KAZN: variants seen among roughly 807,000 people sequenced by gnomAD.
The protein encoded by KAZN is kazrin.
Under a neutral mutation model 87.4 loss-of-function variants are expected in KAZN, and 40 were observed. The ratio of observed to expected loss-of-function variants is 0.46; its 90% CI spans 0.36 to 0.60. The LOEUF is 0.60. KAZN is among the 20% of genes least tolerant of loss of function. The pLI is 0.00. For synonymous variants in KAZN, 466 were observed against 458.3 expected, an observed-to-expected ratio of 1.02 and a Z score of -0.22; for missense variants, 898 against 1,073.9, an observed-to-expected ratio of 0.84 and a Z score of 2.29.
rs16850434 is a variant in KAZN at position 14,539,798 on chromosome 1, A to T, written c.250-59185A>T. On this transcript the variant is annotated intron_variant, in intron 2 of 16. Transcript: ENST00000636203. ...CTCCAAGAATTAGTGCCTATTTGCCATCAGAACCTAAATTTTGTTAAATGT... is the reference window on the plus strand; with the variant it reads ...CTCCAAGAATTAGTGCCTATTTGCCTTCAGAACCTAAATTTTGTTAAATGT... 5.8e-3 allele frequency among the ~76,000 whole-genome samples: 877 copies of T among 152,248 alleles called. 10 individuals carry two copies. Among genetic ancestry groups the T allele is most frequent in the African/African-American group, 0.02 (835 of 41,528 alleles).
chr1:14,576,046 G>A (rs111560507), intron 2 of KAZN, among the ~76,000 whole-genome samples: 15 of 152,176 alleles, frequency 9.9e-5, no homozygotes, highest in Non-Finnish European at 1.6e-4. Context: ...TCCAGGTTAG[G>A]AGTGGTAGGA....
intron 2 of KAZN, among the ~76,000 whole-genome samples, chr1:14,274,081 C>T (rs1652162792): frequency 6.6e-6 from 1 of 152,156 alleles, no homozygotes; most frequent in South Asian, 2.1e-4. Context: ...GGCTGCAGCA[C>T]CCACTACGGT....
chr1:14,233,212 G>A (rs1016040165), intron 2 of KAZN, among the ~76,000 whole-genome samples: 2 of 152,066 alleles, frequency 1.3e-5, no homozygotes, highest in Non-Finnish European at 1.5e-5. Context: ...CCTCACTGCA[G>A]CCTCGGTTTC....
intron 1 of KAZN, among the ~76,000 whole-genome samples, chr1:13,984,549 A>T (rs1638919419): frequency 6.6e-6 from 1 of 152,226 alleles, no homozygotes; most frequent in Non-Finnish European, 1.5e-5. Context: ...GATGAAGATG[A>T]TAACCTTGTA....
chr1:14,412,385 T>C (rs1400029196), intron 2 of KAZN, among the ~76,000 whole-genome samples: 1 of 152,242 alleles, frequency 6.6e-6, no homozygotes, highest in Non-Finnish European at 1.5e-5. Context: ...TACAAAGTTA[T>C]CTGCATAGAA....
chr1:14,382,963 C>T (rs1476507630), intron 2 of KAZN, among the ~76,000 whole-genome samples: 4 of 151,142 alleles, frequency 2.6e-5, no homozygotes, highest in Admixed American at 2.6e-4. Context: ...TATTTCTCCA[C>T]ATCCTCTCCA....
In KAZN at chr1:14,696,414, G is replaced by A. The variant is rs146075072; in HGVS notation, c.226+97191G>A. 8.5e-5 allele frequency among the ~76,000 whole-genome samples: 13 copies of A among 152,326 alleles called. No individual in the cohort carries two copies. The East Asian group carries it at 1.4e-3, about 16-fold the overall frequency. ...CAGTGAGGAGGTGGGAAACTGTATC[G>A]TTAAGTGGTTAATGCTGCTGAGTGT... On this transcript the variant is annotated intron_variant, in intron 1 of 14. Transcript: ENST00000376030.
intron 2 of KAZN, among the ~76,000 whole-genome samples, chr1:14,415,536 C>T (rs1443148908): frequency 6.6e-6 from 1 of 152,176 alleles, no homozygotes; most frequent in Non-Finnish European, 1.5e-5. Context: ...TCGACCCCCA[C>T]CCACTGAAGT....
chr1:15,107,237 G>A (rs546545416), intron 13 of KAZN, among the ~76,000 whole-genome samples: 9 of 152,340 alleles, frequency 5.9e-5, no homozygotes, highest in African/African-American at 2.2e-4. Flanking sequence ...CCTTCACGAA[G>A]CTTACAGAGA....
At chr1:15,095,493 G>A (rs896739963) in intron 10 of KAZN, among the ~76,000 whole-genome samples, 3 of 133,310 alleles carry the variant, frequency 2.3e-5, no homozygotes, top group Non-Finnish European at 4.7e-5. Context: ...CACCCCCACC[G>A]CTCATACCAC....
At position 14,874,014 on chromosome 1, in the gene KAZN, G is replaced by A. The variant is rs1652475488; in HGVS notation, c.227-86670G>A. Among the ~76,000 whole-genome samples the A allele has an allele frequency of 2.0e-5, 3 of 152,298 alleles. No individual in the cohort carries two copies. In the South Asian group the frequency reaches 6.2e-4, roughly 32 times the overall value. ...GCAGGAGCGAGTTTAGAGGGGGTGGGCCAGGAGGAAATCAGGAGCTCAGTT... is the reference window on the plus strand; with the variant it reads ...GCAGGAGCGAGTTTAGAGGGGGTGGACCAGGAGGAAATCAGGAGCTCAGTT... On this transcript the variant is annotated intron_variant, in intron 1 of 14. Transcript: ENST00000376030.
At chr1:14,550,339 A>G (rs981624046) in intron 2 of KAZN, among the ~76,000 whole-genome samples, 13 of 152,252 alleles carry the variant, frequency 8.5e-5, no homozygotes, top group Non-Finnish European at 1.6e-4. Context: ...ACGGGGGAAA[A>G]AAAATTAGCC....
intron 1 of KAZN, among the ~76,000 whole-genome samples, chr1:14,907,809 G>A (rs1201977705): frequency 6.6e-6 from 1 of 152,148 alleles, no homozygotes; most frequent in African/African-American, 2.4e-5. Context: ...AAAGGCAAGT[G>A]GGAGGTGGAT....
intron 1 of KAZN, among the ~76,000 whole-genome samples, chr1:13,983,953 A>G (rs1458866980): frequency 6.6e-6 from 1 of 152,036 alleles, no homozygotes; most frequent in African/African-American, 2.4e-5. Context: ...GCTTCAACAG[A>G]TGTTGAAAAT....
At chr1:14,723,097 G>T (rs544955687) in intron 1 of KAZN, among the ~76,000 whole-genome samples, 1 of 152,176 alleles carries the variant, frequency 6.6e-6, no homozygotes, top group Admixed American at 6.5e-5. Context: ...CTGCACTCTG[G>T]TCTGGGTGAC....
At position 15,115,470 on chromosome 1, in the gene KAZN, A is replaced by T. The variant is rs1641811970; in HGVS notation, c.*835A>T. The T allele has an allele frequency of 6.6e-6, 1 of 152,158 alleles. No individual in the cohort carries two copies. The highest frequency in any genetic ancestry group is 2.4e-5 in the African/African-American group (1 of 41,420). 9.4% of individuals were successfully genotyped at this position (152,158 alleles called of 1,614,324 possible). ...AATCTCTGGCCTGTGGTTTGGCTTT[A>T]CTGAGATTCCAAACCCCACTATCTG... On this transcript the variant is annotated 3_prime_UTR_variant, in exon 15 of 15. Coordinates refer to ENST00000376030, the MANE Select transcript of KAZN (RefSeq NM_201628.3). This position sits in a 1 kb window ranked among gnomAD's most constrained non-coding sequence, Gnocchi z 4.1.
intron 13 of KAZN, among the ~76,000 whole-genome samples, chr1:15,109,210 C>A (rs947253107): frequency 6.6e-6 from 1 of 152,102 alleles, no homozygotes; most frequent in Non-Finnish European, 1.5e-5. Flanking sequence ...CATGGCAAAA[C>A]CCGGTCTCTA....
At chr1:14,085,336 A>G (rs943147279) in intron 1 of KAZN, among the ~76,000 whole-genome samples, 2 of 152,104 alleles carry the variant, frequency 1.3e-5, no homozygotes, top group African/African-American at 4.8e-5. Context: ...GTTTGGACAA[A>G]CGTATGTAGT....
intron 1 of KAZN, among the ~76,000 whole-genome samples, chr1:14,152,662 T>A (rs1645501917): frequency 6.6e-6 from 1 of 152,252 alleles, no homozygotes. Flanking sequence ...GTAGTGCAGA[T>A]ATCTCTTTAA....
Sources: gnomAD v4.1 joint callset for allele counts (sites outside exome capture counted in the v4.1 genomes callset) on GRCh38, gnomAD v4.1.1 for gene constraint, Gnocchi (gnomAD v3.1) non-coding constraint, MANE v1.5 for transcripts, NCBI Gene and HGNC (gene_info 2026-07-23, HGNC 2026-07-21) for gene names.